PRR16: variants seen among roughly 807,000 people sequenced by gnomAD.
PRR16 encodes the protein proline rich 16.
PRR16 carries 6 observed loss-of-function variants against 18.2 expected under a neutral mutation model. That is an observed-to-expected ratio of 0.33 (90% CI 0.18 to 0.65). The LOEUF (loss-of-function observed/expected upper bound fraction) is 0.65, where lower values mean the gene tolerates loss of function less well. Among genes scored for constraint, PRR16 ranks in the 30% least tolerant of loss-of-function variants. The probability of loss-of-function intolerance (pLI) is 0.74; values close to 1 mark genes in which losing one functional copy is unlikely to be tolerated. For synonymous variants in PRR16, 151 were observed against 147.8 expected, an observed-to-expected ratio of 1.02 and a Z score of -0.16; for missense variants, 412 against 376.6, an observed-to-expected ratio of 1.09 and a Z score of -0.78.
intron 1 of PRR16, among the ~76,000 whole-genome samples, chr5:120,512,168 A>G (rs925413197): frequency 1.3e-5 from 2 of 152,168 alleles, no homozygotes; most frequent in Non-Finnish European, 2.9e-5. Flanking sequence ...ATCCCCATCC[A>G]TTGACCTTGT....
At chr5:120,677,581 T>G (rs1440420466) in intron 1 of PRR16, among the ~76,000 whole-genome samples, 1 of 152,172 alleles carries the variant, frequency 6.6e-6, no homozygotes, top group Non-Finnish European at 1.5e-5. Flanking sequence ...AAGTCAATCT[T>G]AAAGATCTTA....
At chr5:120,488,773 CTT>C (rs1365800458) in intron 1 of PRR16, among the ~76,000 whole-genome samples, 4 of 152,048 alleles carry the variant, frequency 2.6e-5, no homozygotes, top group Admixed American at 2.6e-4. Flanking sequence ...CCTGCTTTCT[CTT>C]GTGTGCATTT....
the PRR16 span, among the ~76,000 whole-genome samples, chr5:120,788,334 G>T: frequency 1.3e-5 from 2 of 151,970 alleles, no homozygotes; most frequent in Admixed American, 6.6e-5. Flanking sequence ...CTTATCAAAG[G>T]CTGCTGAAGA....
the PRR16 span, among the ~76,000 whole-genome samples, chr5:120,711,931 C>T: frequency 1.3e-5 from 2 of 152,124 alleles, no homozygotes; most frequent in Non-Finnish European, 1.5e-5. Context: ...AAGGCAATTT[C>T]CTCTCCCATT....
At chr5:120,466,650 C>T (rs1032833247) in intron 1 of PRR16, among the ~76,000 whole-genome samples, 2 of 152,136 alleles carry the variant, frequency 1.3e-5, no homozygotes, top group African/African-American at 2.4e-5. Context: ...GTCAGGAAAT[C>T]TGTTGATACC....
At chr5:120,757,882 C>T in the PRR16 span, among the ~76,000 whole-genome samples, 1 of 151,980 alleles carries the variant, frequency 6.6e-6, no homozygotes. Context: ...TTTTCATATT[C>T]ATAACCATTC....
chr5:120,488,180 T>A (rs991466888), intron 1 of PRR16, among the ~76,000 whole-genome samples: 5 of 151,990 alleles, frequency 3.3e-5, no homozygotes, highest in Admixed American at 6.6e-5. Flanking sequence ...GTTAGGGAGG[T>A]TTCCCTCTTT....
intron 1 of PRR16, among the ~76,000 whole-genome samples, chr5:120,489,854 C>T (rs1176289413): frequency 6.6e-6 from 1 of 152,118 alleles, no homozygotes. Flanking sequence ...CTGGTGGTGA[C>T]AAAATCTCTC....
chr5:120,622,451 C>A (rs930917268), intron 1 of PRR16, among the ~76,000 whole-genome samples: 1 of 151,382 alleles, frequency 6.6e-6, no homozygotes, highest in Non-Finnish European at 1.5e-5. Flanking sequence ...AGTTGGCATT[C>A]CATATGTTAT....
At chr5:120,551,417 G>A (rs995243039) in intron 1 of PRR16, among the ~76,000 whole-genome samples, 4 of 151,942 alleles carry the variant, frequency 2.6e-5, no homozygotes, top group Admixed American at 6.6e-5. Context: ...TTGTGAGACC[G>A]TTAGCCGGTT....
At chr5:120,633,653 C>G (rs1022299026) in intron 1 of PRR16, among the ~76,000 whole-genome samples, 27 of 152,212 alleles carry the variant, frequency 1.8e-4, no homozygotes, top group African/African-American at 6.5e-4. Context: ...GATAAAAGAA[C>G]TAGCCTGACA....
At chr5:120,650,612 A>G (rs528259648) in intron 1 of PRR16, among the ~76,000 whole-genome samples, 1 of 151,972 alleles carries the variant, frequency 6.6e-6, no homozygotes, top group South Asian at 2.1e-4. Flanking sequence ...GTTTGCTGAG[A>G]ATGATGATTT....
At chr5:120,484,827 T>C (rs1311400163) in intron 1 of PRR16, among the ~76,000 whole-genome samples, 4 of 151,156 alleles carry the variant, frequency 2.6e-5, no homozygotes, top group African/African-American at 4.8e-5. Flanking sequence ...CCTAGTAAGA[T>C]GATGGAATAA....
At chr5:120,629,141 T>C (rs1305101340) in intron 1 of PRR16, among the ~76,000 whole-genome samples, 1 of 152,126 alleles carries the variant, frequency 6.6e-6, no homozygotes, top group Non-Finnish European at 1.5e-5. Flanking sequence ...GTATTTGGTT[T>C]CCTATTTCTA....
At chr5:120,633,435 G>A (rs1018770414) in intron 1 of PRR16, among the ~76,000 whole-genome samples, 4 of 152,118 alleles carry the variant, frequency 2.6e-5, no homozygotes, top group Non-Finnish European at 5.9e-5. Flanking sequence ...TTGCAGAATG[G>A]ATAAGAACTC....
At chr5:120,695,318 T>C in the PRR16 span, among the ~76,000 whole-genome samples, 1 of 152,206 alleles carries the variant, frequency 6.6e-6, no homozygotes, top group Admixed American at 6.5e-5. Context: ...ATTAGAGAAT[T>C]AATATTAAAA....
the PRR16 span, among the ~76,000 whole-genome samples, chr5:120,784,926 T>G: frequency 2.0e-5 from 3 of 152,186 alleles, no homozygotes; most frequent in African/African-American, 4.8e-5. Context: ...AGGTGTATCT[T>G]TAAACTATGT....
intron 1 of PRR16, among the ~76,000 whole-genome samples, chr5:120,568,061 T>C (rs1752790499): frequency 6.6e-6 from 1 of 152,204 alleles, no homozygotes; most frequent in Non-Finnish European, 1.5e-5. Flanking sequence ...AACACATTAG[T>C]AGTACCTTCT....
At chr5:120,785,368 A>C in the PRR16 span, among the ~76,000 whole-genome samples, 1 of 152,070 alleles carries the variant, frequency 6.6e-6, no homozygotes, top group African/African-American at 2.4e-5. Context: ...CAATTACAAG[A>C]ATGCCCAGCA....
Sources: gnomAD v4.1 joint callset for allele counts (sites outside exome capture counted in the v4.1 genomes callset) on GRCh38, gnomAD v4.1.1 for gene constraint, MANE v1.5 for transcripts, NCBI Gene and HGNC (gene_info 2026-07-23, HGNC 2026-07-21) for gene names.